Variants in UGT2A3 observed in about 807,000 individuals in gnomAD.
UGT2A3 encodes the protein UDP-glucuronosyltransferase 2A3.
UGT2A3 carries 55 observed loss-of-function variants against 44.1 expected under a neutral mutation model. The observed-to-expected ratio is 1.25, with a 90% CI of 1.00 to 1.56. The LOEUF is 1.56. UGT2A3 is among the 40% of genes most tolerant of loss of function. UGT2A3 has a pLI of 0.00. For missense variants in UGT2A3, 733 were observed against 621.6 expected, an observed-to-expected ratio of 1.18 and a Z score of -1.91; for synonymous variants, 243 against 215.1, an observed-to-expected ratio of 1.13 and a Z score of -1.13.
At chr4:68,938,525 A>G (rs1404456556) in intron 2 of UGT2A3, among the ~76,000 whole-genome samples, 2 of 152,136 alleles carry the variant, frequency 1.3e-5, no homozygotes, top group African/African-American at 4.8e-5. Context: ...GTAACTCTCA[A>G]TAAACTAGGA....
intron 4 of UGT2A3, among the ~76,000 whole-genome samples, 188 bp from the exon 5 acceptor site, chr4:68,930,953 T>C (rs1336303779): frequency 6.6e-6 from 1 of 152,124 alleles, no homozygotes; most frequent in Non-Finnish European, 1.5e-5. Context: ...ATTAATTCCT[T>C]CTGAATTTCC....
intron 2 of UGT2A3, 33 bp from the exon 3 acceptor site, chr4:68,932,792 C>CAT: frequency 6.4e-7 from 1 of 1,566,946 alleles, no homozygotes; most frequent in Non-Finnish European, 8.6e-7. Context: ...ATTACAGAGG[C>CAT]ATAATATAAC....
intron 2 of UGT2A3, among the ~76,000 whole-genome samples, chr4:68,941,143 A>C (rs1056514017): frequency 6.6e-6 from 1 of 151,610 alleles, no homozygotes; most frequent in Non-Finnish European, 1.5e-5. Flanking sequence ...CTCTCTTGTC[A>C]TGAGACCTTT....
At chr4:68,942,538 T>TATATATATATATATAC (rs1442602288) in intron 2 of UGT2A3, among the ~76,000 whole-genome samples, 155 of 142,934 alleles carry the variant, frequency 1.1e-3, no homozygotes, top group African/African-American at 3.8e-3. Context: ...TATATATATA[T>TATATATATATATATAC]ACATTTTCCA....
Position 68,951,784 on chromosome 4 carries a change from A to G in UGT2A3, c.-24T>C, listed in dbSNP as rs542012870. ...ATGATGGCAGTTCCCTCACACACTGATCTGCAATGGTTTTGTAGTTACTAA... is the reference window on the plus strand; with the variant it reads ...ATGATGGCAGTTCCCTCACACACTGGTCTGCAATGGTTTTGTAGTTACTAA... On this transcript the variant is annotated 5_prime_UTR_variant, in exon 1 of 6. Coordinates refer to ENST00000251566, the MANE Select transcript of UGT2A3 (RefSeq NM_024743.4). 1.3e-6 allele frequency: 2 copies of G among 1,520,702 alleles called. No individual in the cohort carries two copies. Among genetic ancestry groups the G allele is most frequent in the East Asian group, 4.6e-5 (2 of 43,662 alleles). The allele number at this position is 1,520,702 out of a possible 1,614,324, so 94.2% of individuals were successfully genotyped here. A position where few individuals can be genotyped will look rare whatever the true frequency, so the allele number is the denominator to read the frequency against.
At chr4:68,950,420 C>T (rs1005122234) in intron 1 of UGT2A3, among the ~76,000 whole-genome samples, 5 of 151,734 alleles carry the variant, frequency 3.3e-5, no homozygotes, top group African/African-American at 9.7e-5. Flanking sequence ...CTTGCATTGA[C>T]CAGCTCTGAT....
chr4:68,934,245 T>C (rs1233223976), intron 2 of UGT2A3, among the ~76,000 whole-genome samples: 1 of 151,638 alleles, frequency 6.6e-6, no homozygotes, highest in Non-Finnish European at 1.5e-5. Flanking sequence ...ATTAGAGAAT[T>C]GAGGAAGAAA....
chr4:68,951,755 C>T lies in UGT2A3; in HGVS notation c.6G>A (p.Arg2=), dbSNP rs1332617230. 6.3e-7 allele frequency: 1 copy of T among 1,581,906 alleles called. No individual in the cohort carries two copies. Among genetic ancestry groups the T allele is most frequent in the East Asian group, 2.3e-5 (1 of 44,300 alleles). M[R]SDKSALVFLL... is the part of the protein sequence containing the mutation. The stretch of plus-strand genomic sequence containing the variant: ...GAAATACCAAAGCTGACTTGTCAGA[C>T]CTCATGATGGCAGTTCCCTCACACA... The change falls in exon 1 of 6, where the codon AGG becomes AGA. Residue 2 remains arginine (R), a synonymous_variant. Coordinates refer to ENST00000251566, the MANE Select transcript of UGT2A3 (RefSeq NM_024743.4).
At position 68,951,269 on chromosome 4, in the gene UGT2A3, GACTGCAAGCA is replaced by G. The variant is rs1718578449; in HGVS notation, c.482_491del (p.Leu161SerfsTer11). The stretch of plus-strand genomic sequence containing the variant: ...AAATTCTAAGTGTGAGCACAAAAGG[GACTGCAAGCA>G]ACTCAGCCATCAGGTCTCCACAGGG... On this transcript the variant is annotated frameshift_variant, in exon 1 of 6. Transcript: ENST00000251566. LOFTEE classifies it high-confidence loss of function. 3 of 1,611,606 alleles carry G rather than the reference GACTGCAAGCA, an allele frequency of 1.9e-6. No individual in the cohort carries two copies. The African/African-American group carries it at 4.0e-5, about 22-fold the overall frequency.
intron 1 of UGT2A3, among the ~76,000 whole-genome samples, chr4:68,947,985 A>G (rs1718441702): frequency 6.6e-6 from 1 of 151,870 alleles, no homozygotes; most frequent in Non-Finnish European, 1.5e-5. Context: ...AATTATTACA[A>G]AAAGTAAATG....
At chr4:68,947,534 TTGTTAA>T (rs982147663) in intron 1 of UGT2A3, among the ~76,000 whole-genome samples, 2 of 151,800 alleles carry the variant, frequency 1.3e-5, no homozygotes, top group African/African-American at 4.8e-5. Flanking sequence ...TTCCAAACTC[TTGTTAA>T]TGTTAATATG....
Position 68,945,026 on chromosome 4 carries a change from AT to A in UGT2A3, c.864+279del, listed in dbSNP as rs531497844. Among the ~76,000 whole-genome samples, 38 of 151,824 alleles carry A rather than the reference AT, an allele frequency of 2.5e-4. No homozygotes were observed. The Admixed American group carries it at 2.5e-3, about 10-fold the overall frequency. On this transcript the variant is annotated intron_variant, in intron 2 of 5. Coordinates refer to ENST00000251566, the MANE Select transcript of UGT2A3 (RefSeq NM_024743.4). ...TAGAGCATTCTTTTTAGTGATCTTC[AT>A]GGCTCCAATTCCCTATTAATTCAAT...
intron 2 of UGT2A3, among the ~76,000 whole-genome samples, chr4:68,940,182 G>C (rs996241848): frequency 1.3e-5 from 2 of 152,136 alleles, no homozygotes; most frequent in African/African-American, 2.4e-5. Flanking sequence ...ATTTGACCCA[G>C]TTATCCCATT....
chr4:68,934,496 C>T (rs1446162981), intron 2 of UGT2A3, among the ~76,000 whole-genome samples: 5 of 151,812 alleles, frequency 3.3e-5, no homozygotes, highest in Admixed American at 6.6e-5. Context: ...GAGATAAAAT[C>T]GACAAAGCTT....
chr4:68,936,690 G>A (rs1207082063), intron 2 of UGT2A3, among the ~76,000 whole-genome samples: 1 of 151,798 alleles, frequency 6.6e-6, no homozygotes, highest in East Asian at 1.9e-4. Context: ...CACAATGACA[G>A]GATCAAATTC....
At chr4:68,935,276 G>GTATGTA (rs1717895427) in intron 2 of UGT2A3, among the ~76,000 whole-genome samples, 1 of 60,118 alleles carries the variant, frequency 1.7e-5, no homozygotes, top group Non-Finnish European at 3.4e-5. Flanking sequence ...ATGTATGTAT[G>GTATGTA]TATATATATA....
Position 68,949,935 on chromosome 4 carries a change from T to C in UGT2A3, c.715+1111A>G, listed in dbSNP as rs28708406. On this transcript the variant is annotated intron_variant, in intron 1 of 5. Coordinates refer to ENST00000251566, the MANE Select transcript of UGT2A3 (RefSeq NM_024743.4). ...AAAGAATTGTTGGGGAATTTCTGAA[T>C]GCATGGCCAGAACCCACTTTTGTTT... 6.6e-3 allele frequency among the ~76,000 whole-genome samples: 1,008 copies of C among 152,046 alleles called. 10 individuals carry two copies. The highest frequency in any genetic ancestry group is 0.022 in the African/African-American group (927 of 41,550).
chr4:68,932,994 T>C (rs112323431), intron 2 of UGT2A3, among the ~76,000 whole-genome samples: 3,454 of 152,052 alleles, frequency 0.023, 57 homozygotes, highest in Middle Eastern at 0.078. Flanking sequence ...CAAAACAGTA[T>C]GCAAAAAGTT....
chr4:68,930,181 A>C, intron 5 of UGT2A3, 89 bp from the exon 6 acceptor site: 1 of 1,370,196 alleles, frequency 7.3e-7, no homozygotes, highest in Admixed American at 2.2e-5. Context: ...TATGTTATGC[A>C]AGCCAAGAAC....
Sources: gnomAD v4.1 joint callset for allele counts (sites outside exome capture counted in the v4.1 genomes callset) on GRCh38, gnomAD v4.1.1 for gene constraint, MANE v1.5 for transcripts, NCBI Gene and HGNC (gene_info 2026-07-23, HGNC 2026-07-21) for gene names.